The following HMGB4 variants were observed in gnomAD, a reference collection of about 807,000 sequenced individuals.
The protein encoded by HMGB4 is high mobility group protein B4.
For synonymous variants in HMGB4, 82 were observed against 84.9 expected, an observed-to-expected ratio of 0.97 and a Z score of 0.19; for missense variants, 217 against 220.4, an observed-to-expected ratio of 0.98 and a Z score of 0.10.
chr1:33,864,740 C>A lies in HMGB4; in HGVS notation c.549C>A (p.Val183=). The A allele has an allele frequency of 1.2e-6, 2 of 1,607,494 alleles. No homozygotes were observed. Among genetic ancestry groups the A allele is most frequent in the South Asian group, 1.1e-5 (1 of 89,976 alleles). Residue 183 remains valine, a synonymous_variant, in exon 1 of 1, where the codon GTC becomes GTA. Transcript: ENST00000681531. ...GAAACCGGTGCAGAGGGAAAAGAGT[C>A]AGGCAGAGCTGATGGATCCAGTTTG... The part of the protein sequence containing the change: ...SARNRCRGKR[V]RQS
Position 33,864,418 on chromosome 1 carries a change from T to C in HMGB4, c.227T>C (p.Met76Thr), listed in dbSNP as rs757313547. 6 of 1,613,348 alleles carry C rather than the reference T, an allele frequency of 3.7e-6. No individual in the cohort carries two copies. In the South Asian group the frequency reaches 4.4e-5, roughly 12 times the overall value. The change falls in exon 1 of 1, where the codon ATG becomes ACG. Residue 76 changes from methionine (M) to threonine (T), a missense_variant. Met to Thr is a moderately conservative substitution (Grantham distance 81, BLOSUM62 -1). Transcript: ENST00000681531. ...LDKARYQEEM[M>T]NYVGKRKKRR... ...AAAGCCCGATACCAGGAAGAAATGA[T>C]GAATTATGTTGGCAAGAGGAAGAAA... is the stretch of plus-strand genomic sequence containing the variant.
At position 33,864,465 on chromosome 1, in the gene HMGB4, G is replaced by A. The variant is rs865789480; in HGVS notation, c.274G>A (p.Glu92Lys). The change falls in exon 1 of 1, where the codon GAA becomes AAA. Residue 92 changes from glutamate to lysine, a missense_variant. Coordinates refer to ENST00000681531, the MANE Select transcript of HMGB4 (RefSeq NM_001379301.1). ...RKKRRKRDPQEPRRPPSSFLL... is the reference protein window; with the variant it reads ...RKKRRKRDPQKPRRPPSSFLL... ...GAAACGGAGAAAGCGGGATCCCCAG[G>A]AACCCAGACGGCCTCCATCATCCTT... 6.2e-7 allele frequency: 1 copy of A among 1,613,692 alleles called. No homozygotes were observed. Among genetic ancestry groups the A allele is most frequent in the African/African-American group, 1.3e-5 (1 of 74,926 alleles).
At chr1:33,863,495 G>A (rs1401635819), upstream of HMGB4, 1 of 152,174 alleles carries the variant, frequency 6.6e-6, no homozygotes, top group Admixed American at 6.5e-5. Flanking sequence ...GAGAAATGAA[G>A]AGTTCCAACT....
upstream of HMGB4, chr1:33,863,919 C>T (rs1639746677): frequency 2.7e-6 from 1 of 370,236 alleles, no homozygotes; most frequent in South Asian, 4.9e-5. Context: ...GAGAGGCAAA[C>T]ATTGACCCTC....
In HMGB4 at chr1:33,864,724, G is replaced by C; in HGVS notation, c.533G>C (p.Cys178Ser). 6.2e-7 allele frequency: 1 copy of C among 1,612,158 alleles called. No homozygotes were observed. The highest frequency in any genetic ancestry group is 1.1e-5 in the South Asian group (1 of 90,780). The change falls in exon 1 of 1, where the codon TGC (cysteine) becomes TCC (serine). Residue 178 changes from cysteine to serine, a missense_variant. Physicochemically the swap from Cys to Ser is moderately radical, Grantham distance 112. Coordinates refer to ENST00000681531, the MANE Select transcript of HMGB4 (RefSeq NM_001379301.1). The stretch of plus-strand genomic sequence containing the variant: ...TACCGAATGTCAGCTAGAAACCGGT[G>C]CAGAGGGAAAAGAGTCAGGCAGAGC... ...KKYRMSARNR[C>S]RGKRVRQS
chr1:33,861,886 C>T (rs1483612053), upstream of HMGB4, among the ~76,000 whole-genome samples: 1 of 152,184 alleles, frequency 6.6e-6, no homozygotes, highest in Non-Finnish European at 1.5e-5. Context: ...CTCCAAGTGA[C>T]CCTGGGGTGG....
Position 33,864,094 on chromosome 1 carries a change from C to T in HMGB4, c.-98C>T. The T allele has an allele frequency of 8.3e-7, 1 of 1,208,140 alleles. No individual in the cohort carries two copies. Among genetic ancestry groups the T allele is most frequent in the Non-Finnish European group, 1.2e-6 (1 of 858,538 alleles). 74.8% of individuals were successfully genotyped at this position (1,208,140 alleles called of 1,614,324 possible). ...CAGCTCTTGCAGACAGAAAAATTCGCTGCAAGTACAGCACTTTCTAGATTG... is the reference window on the plus strand; with the variant it reads ...CAGCTCTTGCAGACAGAAAAATTCGTTGCAAGTACAGCACTTTCTAGATTG... On this transcript the variant is annotated 5_prime_UTR_variant, in exon 1 of 1. Transcript: ENST00000681531.
upstream of HMGB4, chr1:33,863,436 T>A (rs921089503): frequency 2.0e-5 from 3 of 152,196 alleles, no homozygotes; most frequent in African/African-American, 7.2e-5. Flanking sequence ...CCAGTGTTAA[T>A]TAATAAAATC....
Position 33,864,261 on chromosome 1 carries a change from A to G in HMGB4, c.70A>G (p.Arg24Gly). The G allele has an allele frequency of 6.2e-7, 1 of 1,613,012 alleles. No individual in the cohort carries two copies. Among genetic ancestry groups the G allele is most frequent in the African/African-American group, 1.3e-5 (1 of 74,998 alleles). Residue 24 changes from arginine (R) to glycine (G), a missense_variant, in exon 1 of 1, where the codon AGA becomes GGA. Transcript: ENST00000681531. The part of the protein sequence containing the change: ...SSYVHFLLNY[R>G]NKFKEQQPNT... ...TTACGTTCACTTTTTGCTGAATTAC[A>G]GAAACAAATTCAAGGAGCAGCAGCC...
upstream of HMGB4, chr1:33,863,508 T>C (rs534874730): frequency 6.6e-6 from 1 of 152,370 alleles, no homozygotes; most frequent in Admixed American, 6.5e-5. Flanking sequence ...TTCCAACTCA[T>C]AGCCCAAGTG....
At chr1:33,863,804 C>T (rs563664220), upstream of HMGB4, 1 of 185,216 alleles carries the variant, frequency 5.4e-6, no homozygotes, top group Admixed American at 5.6e-5. Context: ...GATTTTAAGC[C>T]CCTAAAGTGC....
chr1:33,861,687 T>A (rs781584986), upstream of HMGB4, among the ~76,000 whole-genome samples: 1 of 152,094 alleles, frequency 6.6e-6, no homozygotes, highest in African/African-American at 2.4e-5. Flanking sequence ...CCACTCAAAT[T>A]AAAATGATTG....
chr1:33,864,547 C>G lies in HMGB4; in HGVS notation c.356C>G (p.Ser119Trp), dbSNP rs1046579898. The change falls in exon 1 of 1, where the codon TCG (serine) becomes TGG (tryptophan). Residue 119 changes from serine (S) to tryptophan (W), a missense_variant. Coordinates refer to ENST00000681531, the MANE Select transcript of HMGB4 (RefSeq NM_001379301.1). Reference sequence around the variant, plus strand: ...CTGAAGAGGGAGAACCCGAACTGGTCGGTGGTGCAGGTGGCCAAGGCCACA... The same window carrying G: ...CTGAAGAGGGAGAACCCGAACTGGTGGGTGGTGCAGGTGGCCAAGGCCACA... ...AQLKRENPNW[S>W]VVQVAKATGK... 1 of 1,613,994 alleles carries G rather than the reference C, an allele frequency of 6.2e-7. No individual in the cohort carries two copies. The highest frequency in any genetic ancestry group is 8.5e-7 in the Non-Finnish European group (1 of 1,179,996).
At chr1:33,862,701 C>T (rs1884983), upstream of HMGB4, among the ~76,000 whole-genome samples, 50,025 of 151,926 alleles carry the variant, frequency 0.33, 10,159 homozygotes, top group African/African-American at 0.57. Flanking sequence ...TACAGCTTGT[C>T]CCCTGGAGGG....
rs745980468 is a variant in HMGB4 at position 33,864,758 on chromosome 1, C to T, written c.*6C>T. 2.5e-6 allele frequency: 4 copies of T among 1,588,922 alleles called. No individual in the cohort carries two copies. In the Admixed American group the frequency reaches 7.2e-5, roughly 29 times the overall value. The stretch of plus-strand genomic sequence containing the variant: ...AAAGAGTCAGGCAGAGCTGATGGAT[C>T]CAGTTTGAAAAAACAAAATGCCATT... On this transcript the variant is annotated 3_prime_UTR_variant, in exon 1 of 1. Coordinates refer to ENST00000681531, the MANE Select transcript of HMGB4 (RefSeq NM_001379301.1).
chr1:33,863,083 C>T (rs1639668331), upstream of HMGB4: 1 of 152,128 alleles, frequency 6.6e-6, no homozygotes, highest in African/African-American at 2.4e-5. Flanking sequence ...AGTGGCTGTT[C>T]AACCTTGAAC....
chr1:33,862,493 A>T (rs2125117828), upstream of HMGB4: 1 of 152,146 alleles, frequency 6.6e-6, no homozygotes, highest in South Asian at 2.1e-4. Flanking sequence ...TGTCCCATTC[A>T]TCTAGGCAGC....
chr1:33,860,675 G>T (rs1416264708), upstream of HMGB4: 1 of 152,178 alleles, frequency 6.6e-6, no homozygotes. Context: ...GTTGTAATGA[G>T]CTAGACTTGC....
chr1:33,860,969 C>T (rs1639455469), upstream of HMGB4: 1 of 152,118 alleles, frequency 6.6e-6, no homozygotes, highest in Admixed American at 6.5e-5. Flanking sequence ...GAGTATGTCA[C>T]ACAAGTAGAA....
Sources: allele counts gnomAD v4.1 joint callset (sites outside exome capture counted in the v4.1 genomes callset), GRCh38; gene constraint gnomAD v4.1.1; transcripts MANE v1.5; gene names NCBI Gene and HGNC (gene_info 2026-07-23, HGNC 2026-07-21).